Variants in CYP4F3 observed in about 807,000 individuals in gnomAD.
The protein encoded by CYP4F3 is cytochrome P450 4F3.
CYP4F3 carries 50 observed loss-of-function variants against 54.8 expected under a neutral mutation model. That is an observed-to-expected ratio of 0.91 (90% CI 0.73 to 1.16). CYP4F3 has a LOEUF of 1.16. Ranked by LOEUF, CYP4F3 falls within the 50% of genes most tolerant of loss-of-function variation. The probability of loss-of-function intolerance (pLI) is 0.00; values close to 1 mark genes in which losing one functional copy is unlikely to be tolerated. For missense variants in CYP4F3, 715 were observed against 676.2 expected (o/e 1.06, Z -0.64); for synonymous variants, 244 against 262.6 (o/e 0.93, Z 0.69).
rs2144642178 is a variant in CYP4F3 at position 15,647,164 on chromosome 19, G to A, written c.398-33G>A. 3.7e-6 allele frequency: 6 copies of A among 1,614,208 alleles called. No individual in the cohort carries two copies. In the African/African-American group the frequency reaches 4.0e-5, roughly 11 times the overall value. On this transcript the variant is annotated intron_variant, in intron 4 of 12. Transcript: ENST00000221307. The stretch of plus-strand genomic sequence containing the variant: ...ACCTGGGGGGCCAGGGGAGGGAGAT[G>A]CCCTTGCCCATGGCCCTTGGCTGCC...
chr19:15,643,402 G>A (rs368657634), intron 2 of CYP4F3, among the ~76,000 whole-genome samples: 3 of 143,420 alleles, frequency 2.1e-5, no homozygotes, highest in African/African-American at 5.2e-5. Context: ...ATATATATAG[G>A]TAAATAGATA....
chr19:15,647,438 T>C (rs923586724), intron 5 of CYP4F3, 114 bp downstream of exon 5: 304 of 1,512,912 alleles, frequency 2.0e-4, no homozygotes, highest in Admixed American at 3.3e-4. Context: ...TGTCTTCCTC[T>C]CTGAGCTTTG....
In CYP4F3 at chr19:15,657,042, C is replaced by T. The variant is rs371001892; in HGVS notation, c.1116-1222C>T. Among the ~76,000 whole-genome samples the T allele has an allele frequency of 7.9e-5, 12 of 152,304 alleles. No homozygotes were observed. The East Asian group carries it at 1.9e-3, about 24-fold the overall frequency. On this transcript the variant is annotated intron_variant, in intron 9 of 12. Coordinates refer to ENST00000221307, the MANE Select transcript of CYP4F3 (RefSeq NM_000896.3). ...CTTCCAGAGTGTCTGTACTGATTTACCTTCTAGCCTGCAGTATGTGGTGAG... is the reference window on the plus strand; with the variant it reads ...CTTCCAGAGTGTCTGTACTGATTTATCTTCTAGCCTGCAGTATGTGGTGAG...
At chr19:15,647,145 G>C (rs1972651748) in intron 4 of CYP4F3, 40 bp downstream of exon 4, 27 of 1,614,190 alleles carry the variant, frequency 1.7e-5, no homozygotes, top group Non-Finnish European at 2.2e-5. Flanking sequence ...AACAACCTGG[G>C]GGGCCAGGGG....
chr19:15,649,452 A>C (rs550093580), intron 6 of CYP4F3, among the ~76,000 whole-genome samples, 171 bp downstream of exon 6: 3 of 152,144 alleles, frequency 2.0e-5, no homozygotes, highest in Non-Finnish European at 4.4e-5. Flanking sequence ...GGGACTCATT[A>C]AAAGGGTTTG....
chr19:15,645,954 G>T, intron 3 of CYP4F3, 91 bp downstream of exon 3: 1 of 1,438,676 alleles, frequency 7.0e-7, no homozygotes. Flanking sequence ...AGCGGGTCGC[G>T]TGCCCATGTG....
chr19:15,649,035 G>C, intron 5 of CYP4F3, 125 bp from the exon 6 acceptor site: 1 of 1,452,488 alleles, frequency 6.9e-7, no homozygotes, highest in East Asian at 2.4e-5. Flanking sequence ...GGTGCTCCCG[G>C]GTAAAGGGTC....
chr19:15,658,152 TAA>T, intron 9 of CYP4F3, 110 bp from the exon 10 acceptor site: 1 of 1,556,202 alleles, frequency 6.4e-7, no homozygotes, highest in Admixed American at 2.3e-5. Flanking sequence ...ACAATTCTTT[TAA>T]AAAGTTTATT....
intron 2 of CYP4F3, 100 bp from the exon 3 acceptor site, chr19:15,645,619 C>A: frequency 6.8e-7 from 1 of 1,463,880 alleles, no homozygotes; most frequent in Non-Finnish European, 9.2e-7. Flanking sequence ...TGAGATGCTG[C>A]TTGAAATTCT....
chr19:15,647,171 C>A (rs772083588), intron 4 of CYP4F3, 26 bp from the exon 5 acceptor site: 4 of 1,614,218 alleles, frequency 2.5e-6, no homozygotes, highest in Non-Finnish European at 1.7e-6. Flanking sequence ...GATGCCCTTG[C>A]CCATGGCCCT....
chr19:15,652,787 A>C (rs1972896393), intron 8 of CYP4F3, 36 bp from the exon 9 acceptor site: 1 of 1,602,944 alleles, frequency 6.2e-7, no homozygotes, highest in Non-Finnish European at 8.5e-7. Flanking sequence ...GTGCTGAAGC[A>C]GCCCAGAGAC....
intron 9 of CYP4F3, among the ~76,000 whole-genome samples, chr19:15,653,439 C>T (rs1012526161): frequency 1.6e-4 from 24 of 152,108 alleles, no homozygotes; most frequent in Non-Finnish European, 2.6e-4. Context: ...TACTGCATTC[C>T]AACCCCCACA....
At chr19:15,649,781 G>T in intron 6 of CYP4F3, 132 bp from the exon 7 acceptor site, 2 of 1,295,370 alleles carry the variant, frequency 1.5e-6, no homozygotes, top group Non-Finnish European at 2.2e-6. Flanking sequence ...TCCCCATCCT[G>T]CATCTGAGGG....
chr19:15,648,767 G>A (rs1052697928), intron 5 of CYP4F3, among the ~76,000 whole-genome samples: 1 of 152,190 alleles, frequency 6.6e-6, no homozygotes, highest in Non-Finnish European at 1.5e-5. Context: ...AGATTAGGGA[G>A]CTAACCCAAG....
Position 15,658,387 on chromosome 19 carries a change from C to T in CYP4F3, c.1239C>T (p.Val413=). 6.2e-7 allele frequency: 1 copy of T among 1,614,040 alleles called. No homozygotes were observed. Among genetic ancestry groups the T allele is most frequent in the Non-Finnish European group, 8.5e-7 (1 of 1,179,954 alleles). Residue 413 remains valine (V), a synonymous_variant, in exon 10 of 13, where the codon GTC becomes GTT. Coordinates refer to ENST00000221307, the MANE Select transcript of CYP4F3 (RefSeq NM_000896.3). The part of the protein sequence containing the change: ...TQDIVLPDGR[V]IPKGIICLIS... ...ACATTGTGCTCCCAGACGGCCGGGT[C>T]ATCCCCAAAGGTGCCACAGCCTCAG...
In CYP4F3 at chr19:15,647,028, CCT is replaced by C. The variant is rs1203554249; in HGVS notation, c.344-23_344-22del. 3 of 1,613,794 alleles carry C rather than the reference CCT, an allele frequency of 1.9e-6. No individual in the cohort carries two copies. In the Admixed American group the frequency reaches 5.0e-5, roughly 27 times the overall value. On this transcript the variant is annotated intron_variant, in intron 3 of 12. Transcript: ENST00000221307. ...TCCTCCTTCACCTGCCTCCATGGCC[CCT>C]GATTGTCCTCATTTATGTCAGCTGC...
rs907524325 is a variant in CYP4F3 at position 15,658,950 on chromosome 19, G to A, written c.1397+141G>A. 1.6e-5 allele frequency: 21 copies of A among 1,292,980 alleles called. No individual in the cohort carries two copies. The African/African-American group carries it at 2.8e-4, about 17-fold the overall frequency. 80.1% of individuals were successfully genotyped at this position (1,292,980 alleles called of 1,614,324 possible). A position where few individuals can be genotyped will look rare whatever the true frequency, so the allele number is the denominator to read the frequency against. ...ACCTCCTCTGGAGTTTATGGGAAAA[G>A]GCCCACAGAGTAGGATTGGGTTGGT... is the stretch of plus-strand genomic sequence containing the variant. On this transcript the variant is annotated intron_variant, in intron 12 of 12. Coordinates refer to ENST00000221307, the MANE Select transcript of CYP4F3 (RefSeq NM_000896.3).
chr19:15,650,714 T>TTCTC lies in CYP4F3; in HGVS notation c.918+534_918+535insCTCT, dbSNP rs1568397821. Among the ~76,000 whole-genome samples, 13 of 27,814 alleles carry TTCTC rather than the reference T, an allele frequency of 4.7e-4. 2 individuals carry two copies. Among genetic ancestry groups the TTCTC allele is most frequent in the Admixed American group, 1.6e-3 (4 of 2,470 alleles). The allele number at this position is 27,814 out of a possible 152,430, so 18.2% of individuals were successfully genotyped here. A position where few individuals can be genotyped will look rare whatever the true frequency, so the allele number is the denominator to read the frequency against. Reference sequence around the variant, plus strand: ...TTTCTTTCTTTCTTTCTTTCTTTCTTTCTTTCTTTCTTTCTTTCTTTCTTT... The same window carrying TTCTC: ...TTTCTTTCTTTCTTTCTTTCTTTCTTTCTCTCTTTCTTTCTTTCTTTCTTTCTTT... On this transcript the variant is annotated intron_variant, in intron 7 of 12. Transcript: ENST00000221307.
In CYP4F3 at chr19:15,658,499, T is replaced by G. The variant is rs771888370; in HGVS notation, c.1258T>G (p.Cys420Gly). Reference protein sequence around the residue: ...DGRVIPKGIICLISVFGTHHN... With the variant: ...DGRVIPKGIIGLISVFGTHHN... ...CCCCTTCTCTCCCACAGGCATTATCTGCCTCATCAGTGTTTTTGGAACCCA... is the reference window on the plus strand; with the variant it reads ...CCCCTTCTCTCCCACAGGCATTATCGGCCTCATCAGTGTTTTTGGAACCCA... The change falls in exon 11 of 13, where the codon TGC (cysteine) becomes GGC (glycine). Residue 420 changes from cysteine (C) to glycine (G), a missense_variant. Cys to Gly is a radical substitution (Grantham distance 159, BLOSUM62 -3). Transcript: ENST00000221307. 3.1e-6 allele frequency: 5 copies of G among 1,614,092 alleles called. No individual in the cohort carries two copies. In the African/African-American group the frequency reaches 6.7e-5, roughly 22 times the overall value.
Sources: gnomAD v4.1 joint callset for allele counts (sites outside exome capture counted in the v4.1 genomes callset) on GRCh38, gnomAD v4.1.1 for gene constraint, MANE v1.5 for transcripts, NCBI Gene and HGNC (gene_info 2026-07-23, HGNC 2026-07-21) for gene names.